Variants in MAGI2 observed in about 807,000 individuals in gnomAD.
MAGI2 encodes membrane-associated guanylate kinase, WW and PDZ domain-containing protein 2.
Under a neutral mutation model 133.3 loss-of-function variants are expected in MAGI2, and 35 were observed. That is an observed-to-expected ratio of 0.26 (90% CI 0.20 to 0.35). The LOEUF is 0.35. MAGI2 is among the 10% of genes least tolerant of loss of function. MAGI2 has a pLI of 1.00. For synonymous variants in MAGI2, 729 were observed against 710.6 expected (o/e 1.03, Z -0.41); for missense variants, 1,636 against 1,863.4 (o/e 0.88, Z 2.25).
At chr7:79,092,017 G>A (rs778102456) in intron 1 of MAGI2, among the ~76,000 whole-genome samples, 1 of 151,910 alleles carries the variant, frequency 6.6e-6, no homozygotes, top group South Asian at 2.1e-4. Context: ...TTTGATACAT[G>A]CTATACACTA....
intron 1 of MAGI2, among the ~76,000 whole-genome samples, chr7:79,051,264 T>C (rs1001240638): frequency 1.3e-5 from 2 of 152,196 alleles, no homozygotes; most frequent in African/African-American, 4.8e-5. Flanking sequence ...AGCCCTGTAA[T>C]AGATTGTCAC....
intron 9 of MAGI2, among the ~76,000 whole-genome samples, chr7:78,299,024 T>C (rs1797591502): frequency 1.4e-5 from 2 of 144,632 alleles, no homozygotes; most frequent in Non-Finnish European, 3.1e-5. Flanking sequence ...TCTGTGTTGG[T>C]CAGGCTGGTC....
At chr7:78,056,073 C>T (rs1371299786) in intron 21 of MAGI2, among the ~76,000 whole-genome samples, 1 of 152,140 alleles carries the variant, frequency 6.6e-6, no homozygotes, top group Non-Finnish European at 1.5e-5. Flanking sequence ...ATTGAACTCA[C>T]CCTTTCCCTC....
At chr7:78,856,662 G>C (rs1163395034) in intron 2 of MAGI2, among the ~76,000 whole-genome samples, 5 of 152,198 alleles carry the variant, frequency 3.3e-5, no homozygotes, top group African/African-American at 1.2e-4. Context: ...TAGCCTTGTA[G>C]TATAGTTTGA....
At chr7:78,906,886 T>A (rs1490308929) in intron 2 of MAGI2, among the ~76,000 whole-genome samples, 1 of 143,450 alleles carries the variant, frequency 7.0e-6, no homozygotes, top group Non-Finnish European at 1.5e-5. Flanking sequence ...TTAAAAGTAA[T>A]GGCATTAATT....
chr7:79,089,648 C>T (rs1296040720), intron 1 of MAGI2, among the ~76,000 whole-genome samples: 2 of 152,084 alleles, frequency 1.3e-5, no homozygotes, highest in Non-Finnish European at 2.9e-5. Flanking sequence ...GAGTTCATGT[C>T]TTTTGCAGGA....
intron 3 of MAGI2, among the ~76,000 whole-genome samples, chr7:78,586,893 A>C (rs552229780): frequency 5.4e-4 from 82 of 152,114 alleles, no homozygotes; most frequent in Non-Finnish European, 9.7e-4. Context: ...ATGTTGTAGC[A>C]TTTTTCAGAA....
rs1427231328 is a variant in MAGI2, at chr7:78,399,947, A to T, written c.1046-30734T>A. Among the ~76,000 whole-genome samples the T allele has an allele frequency of 8.6e-5, 13 of 151,546 alleles. No homozygotes were observed. The South Asian group carries it at 2.7e-3, about 32-fold the overall frequency. ...AAGGTAAAACACAGCAAAAAAAAAT[A>T]ACAAAACAATTCAAAACAAAACCAA... On this transcript the variant is annotated intron_variant, in intron 6 of 21. Transcript: ENST00000354212.
intron 1 of MAGI2, among the ~76,000 whole-genome samples, chr7:79,204,448 G>A (rs775507868): frequency 6.6e-6 from 1 of 152,074 alleles, no homozygotes; most frequent in Non-Finnish European, 1.5e-5. Flanking sequence ...AGCTGCACCA[G>A]GCTTCTGGTG....
intron 2 of MAGI2, among the ~76,000 whole-genome samples, chr7:78,939,307 T>C (rs1800787669): frequency 6.6e-6 from 1 of 152,182 alleles, no homozygotes; most frequent in African/African-American, 2.4e-5. Flanking sequence ...ATGGTGATTT[T>C]AGATATAGAC....
chr7:78,886,187 T>C (rs1397530665), intron 2 of MAGI2, among the ~76,000 whole-genome samples: 1 of 152,192 alleles, frequency 6.6e-6, no homozygotes, highest in Non-Finnish European at 1.5e-5. Context: ...GACTTACCTA[T>C]TAATGAGAAA....
At chr7:78,393,368 CCA>C (rs1452350879) in intron 6 of MAGI2, among the ~76,000 whole-genome samples, 1 of 152,170 alleles carries the variant, frequency 6.6e-6, no homozygotes, top group Non-Finnish European at 1.5e-5. Flanking sequence ...GCAGAGACTG[CCA>C]CAGTTAGTTT....
chr7:79,399,185 C>T (rs1845297021), intron 1 of MAGI2, among the ~76,000 whole-genome samples: 1 of 149,280 alleles, frequency 6.7e-6, no homozygotes, highest in African/African-American at 2.5e-5. Flanking sequence ...AACTCTGCCT[C>T]CCCGGTTCAG....
chr7:79,314,902 G>C (rs948790125), intron 1 of MAGI2, among the ~76,000 whole-genome samples: 2 of 152,128 alleles, frequency 1.3e-5, no homozygotes, highest in Non-Finnish European at 2.9e-5. Flanking sequence ...ATGAAACTCA[G>C]ATAAGGAAAT....
In MAGI2 at chr7:78,461,393, C is replaced by CGTGTGTGTGTGTGTGTGTGTGT. The variant is rs10654835; in HGVS notation, c.1045+28346_1045+28367dup. ...ATAGATTCCTGGACACGTGTGTGTG[C>CGTGTGTGTGTGTGTGTGTGTGT]GTGTGTGTGTGTGTGTGTGTGTGTG... On this transcript the variant is annotated intron_variant, in intron 6 of 21. Transcript: ENST00000354212. 5.9e-3 allele frequency among the ~76,000 whole-genome samples: 814 copies of CGTGTGTGTGTGTGTGTGTGTGT among 138,080 alleles called. 10 individuals are homozygous for CGTGTGTGTGTGTGTGTGTGTGT. The highest frequency in any genetic ancestry group is 0.036 in the South Asian group (146 of 4,030). 90.6% of individuals were successfully genotyped at this position (138,080 alleles called of 152,430 possible).
intron 18 of MAGI2, among the ~76,000 whole-genome samples, chr7:78,129,683 G>A (rs941651469): frequency 6.6e-6 from 1 of 152,078 alleles, no homozygotes; most frequent in Admixed American, 6.5e-5. Flanking sequence ...CGTGGCTCAC[G>A]CCTGTAATCC....
intron 1 of MAGI2, among the ~76,000 whole-genome samples, chr7:79,340,982 T>C (rs1474638199): frequency 6.6e-6 from 1 of 152,110 alleles, no homozygotes; most frequent in African/African-American, 2.4e-5. Context: ...ACCTACTGTA[T>C]GAAGCAAACA....
chr7:78,914,428 A>T (rs1241488023), intron 2 of MAGI2, among the ~76,000 whole-genome samples: 1 of 152,172 alleles, frequency 6.6e-6, no homozygotes, highest in Non-Finnish European at 1.5e-5. Flanking sequence ...AGTAAAGTCA[A>T]CAAAATACTT....
intron 2 of MAGI2, among the ~76,000 whole-genome samples, chr7:78,678,795 A>G (rs1380495204): frequency 1.3e-5 from 2 of 152,162 alleles, no homozygotes; most frequent in African/African-American, 4.8e-5. Context: ...CCAAATGACT[A>G]TAGAAATAAG....
Sources: gnomAD v4.1 joint callset for allele counts (sites outside exome capture counted in the v4.1 genomes callset) on GRCh38, gnomAD v4.1.1 for gene constraint, MANE v1.5 for transcripts, NCBI Gene and HGNC (gene_info 2026-07-23, HGNC 2026-07-21) for gene names.